Variants in RBM25 observed in about 807,000 individuals in gnomAD.
RBM25 encodes RNA binding motif protein 25, also known as RNA-binding protein 25.
RBM25 carries 19 observed loss-of-function variants against 120.7 expected under a neutral mutation model. That is an observed-to-expected ratio of 0.16 (90% CI 0.11 to 0.23). The LOEUF is 0.23. RBM25 is among the 10% of genes least tolerant of loss of function. The pLI is 1.00. For missense variants in RBM25, 605 were observed against 1,041.5 expected (o/e 0.58, Z 5.77); for synonymous variants, 390 against 326.7 (o/e 1.19, Z -2.09).
intron 3 of RBM25, among the ~76,000 whole-genome samples, chr14:73,076,832 T>G (rs1289408732): frequency 5.3e-5 from 8 of 152,198 alleles, no homozygotes; most frequent in Non-Finnish European, 7.4e-5. Context: ...GGCATAAATT[T>G]TAAATGTTCA....
chr14:73,089,828 G>A (rs1367875816), intron 6 of RBM25, among the ~76,000 whole-genome samples: 6 of 150,228 alleles, frequency 4.0e-5, no homozygotes, highest in African/African-American at 1.5e-4. Flanking sequence ...CACCAGGCTC[G>A]GCTACTTTTT....
At chr14:73,114,180 C>T (rs905178012) in intron 17 of RBM25, 106 bp from the exon 18 acceptor site, 24 of 782,294 alleles carry the variant, frequency 3.1e-5, no homozygotes, top group South Asian at 2.6e-4. Flanking sequence ...GTTCCTTAGC[C>T]GCAAGAAGTT....
chr14:73,070,524 A>G (rs1895260320), intron 1 of RBM25, among the ~76,000 whole-genome samples: 1 of 152,016 alleles, frequency 6.6e-6, no homozygotes, highest in Non-Finnish European at 1.5e-5. Flanking sequence ...ATCTGACTGG[A>G]AGTCAGGAGT....
chr14:73,103,948 T>TCTCTCA (rs1594928335), intron 10 of RBM25, among the ~76,000 whole-genome samples: 149 of 91,412 alleles, frequency 1.6e-3, no homozygotes, highest in Middle Eastern at 5.0e-3. Context: ...TCTCTCTCTC[T>TCTCTCA]CACACACACA....
chr14:73,097,199 T>TTTTTC, intron 7 of RBM25, 99 bp downstream of exon 7: 2 of 601,442 alleles, frequency 3.3e-6, no homozygotes, highest in Non-Finnish European at 2.3e-6. Flanking sequence ...TTCTTTTCTT[T>TTTTTC]TTTTTTTTTT....
rs772386351 is a variant in RBM25 at position 73,096,890 on chromosome 14, C to T, written c.544-25C>T. 7 of 1,596,306 alleles carry T rather than the reference C, an allele frequency of 4.4e-6. No individual in the cohort carries two copies. The East Asian group carries it at 1.1e-4, about 26-fold the overall frequency. On this transcript the variant is annotated intron_variant, in intron 6 of 18. Coordinates refer to ENST00000261973, the MANE Select transcript of RBM25 (RefSeq NM_021239.3). ...GATTTTCTTGCTTGATTTTTCTTTC[C>T]CCTGAATTTGCTGTTTTGTTTAAGA...
chr14:73,103,990 A>ACTCTCTCT (rs764640144), intron 10 of RBM25, among the ~76,000 whole-genome samples: 6 of 116,658 alleles, frequency 5.1e-5, no homozygotes, highest in African/African-American at 2.1e-4. Context: ...ACACACACAC[A>ACTCTCTCT]CACACTCTCT....
intron 5 of RBM25, among the ~76,000 whole-genome samples, chr14:73,087,542 C>T (rs1895716140): frequency 6.6e-6 from 1 of 151,888 alleles, no homozygotes; most frequent in South Asian, 2.1e-4. Flanking sequence ...ACTACAGGCG[C>T]CCGCCACCGC....
At chr14:73,089,287 A>G (rs778397096) in intron 6 of RBM25, among the ~76,000 whole-genome samples, 2 of 152,210 alleles carry the variant, frequency 1.3e-5, no homozygotes, top group Non-Finnish European at 2.9e-5. Flanking sequence ...TCCCATCATC[A>G]TAAGCAACAC....
chr14:73,116,628 G>A (rs1350635676), intron 18 of RBM25, among the ~76,000 whole-genome samples: 4 of 152,104 alleles, frequency 2.6e-5, no homozygotes, highest in African/African-American at 9.7e-5. Context: ...TTCCAGCCCC[G>A]TTTTTCTTGG....
At chr14:73,116,140 AGAGT>A (rs1896422778) in intron 18 of RBM25, among the ~76,000 whole-genome samples, 1 of 151,978 alleles carries the variant, frequency 6.6e-6, no homozygotes, top group Admixed American at 6.6e-5. Context: ...TAAGACATTG[AGAGT>A]GAGAGACTGC....
In RBM25 at chr14:73,085,316, C is replaced by CAAGATGTAGT. The variant is rs1366247189; in HGVS notation, c.382+1765_382+1766insAAGATGTAGT. Among the ~76,000 whole-genome samples the CAAGATGTAGT allele has an allele frequency of 2.2e-4, 33 of 149,064 alleles. 1 individual carries two copies. The highest frequency in any genetic ancestry group is 4.1e-4 in the East Asian group (2 of 4,866). On this transcript the variant is annotated intron_variant, in intron 5 of 18. Coordinates refer to ENST00000261973, the MANE Select transcript of RBM25 (RefSeq NM_021239.3). ...ACAGACGTGAGCCACCGCGCCCGGC[C>CAAGATGTAGT]TCATCAGTAGTCTGTTTTGAAGAAT...
chr14:73,082,589 C>CT (rs1453639437), intron 4 of RBM25, among the ~76,000 whole-genome samples: 1 of 152,184 alleles, frequency 6.6e-6, no homozygotes, highest in Non-Finnish European at 1.5e-5. Context: ...CACCTCGCTG[C>CT]TTTTATTTTT....
At chr14:73,071,936 A>G (rs1451938069) in intron 2 of RBM25, among the ~76,000 whole-genome samples, 189 bp downstream of exon 2, 12 of 152,110 alleles carry the variant, frequency 7.9e-5, no homozygotes, top group Admixed American at 2.0e-4. Context: ...ACTCATCTGG[A>G]AATTTTTTTT....
rs72346306 is a variant in RBM25, at chr14:73,103,905, G to GTCTC, written c.1154+468_1154+471dup. 5.7e-3 allele frequency among the ~76,000 whole-genome samples: 520 copies of GTCTC among 91,628 alleles called. 6 individuals are homozygous for GTCTC. Among genetic ancestry groups the GTCTC allele is most frequent in the Admixed American group, 0.014 (101 of 7,348 alleles). The allele number at this position is 91,628 out of a possible 152,430, so 60.1% of individuals were successfully genotyped here. On this transcript the variant is annotated intron_variant, in intron 10 of 18. Transcript: ENST00000261973. ...TCTTTGTCTGTCTGTCTGTCTGTCT[G>GTCTC]TCTCTCTCTCTCTCTCTCTCTCTCT...
At chr14:73,106,910 G>T (rs1896202634) in intron 12 of RBM25, among the ~76,000 whole-genome samples, 1 of 149,884 alleles carries the variant, frequency 6.7e-6, no homozygotes, top group Non-Finnish European at 1.5e-5. Context: ...TCGGCTCACT[G>T]CAACCTTCTC....
chr14:73,076,411 T>G (rs1318045427), intron 3 of RBM25, 43 bp downstream of exon 3: 2 of 1,529,924 alleles, frequency 1.3e-6, no homozygotes, highest in Non-Finnish European at 1.8e-6. Flanking sequence ...ATGGTAGTGC[T>G]AGTGCTTTTA....
At chr14:73,105,239 G>C (rs80333341) in intron 10 of RBM25, among the ~76,000 whole-genome samples, 3,391 of 150,826 alleles carry the variant, frequency 0.022, 130 homozygotes, top group African/African-American at 0.076. Flanking sequence ...TCTGGAGTAG[G>C]CAGGACTACA....
intron 17 of RBM25, among the ~76,000 whole-genome samples, chr14:73,113,855 C>A (rs1594937171): frequency 6.6e-6 from 1 of 152,162 alleles, no homozygotes; most frequent in African/African-American, 2.4e-5. Context: ...AACCCATGCT[C>A]TTAACCACTA....
Sources: gnomAD v4.1 joint callset for allele counts (sites outside exome capture counted in the v4.1 genomes callset) on GRCh38, gnomAD v4.1.1 for gene constraint, MANE v1.5 for transcripts, NCBI Gene and HGNC (gene_info 2026-07-23, HGNC 2026-07-21) for gene names.